PRKG1: variants seen among roughly 807,000 people sequenced by gnomAD.
PRKG1 encodes the protein cGMP-dependent protein kinase 1.
Under a neutral mutation model 88.1 loss-of-function variants are expected in PRKG1, and 35 were observed. That is an observed-to-expected ratio of 0.40 (90% CI 0.30 to 0.53). The LOEUF (loss-of-function observed/expected upper bound fraction) is 0.53, where lower values mean the gene tolerates loss of function less well. Among genes scored for constraint, PRKG1 ranks in the 20% least tolerant of loss-of-function variants. The pLI, the probability that PRKG1 is intolerant of heterozygous loss-of-function variation, is 0.59. For synonymous variants in PRKG1, 303 were observed against 292.5 expected, an observed-to-expected ratio of 1.04 and a Z score of -0.37; for missense variants, 540 against 839.8, an observed-to-expected ratio of 0.64 and a Z score of 4.41.
rs762437426 is a variant in PRKG1, at chr10:51,807,805, C to CG, written c.698+3121dup. ...ATTTTTAGGCTTTATGGATGGCTTT[C>CG]GGGGGGAAAAAGGAGTCTGTCTCTA... is the stretch of plus-strand genomic sequence containing the variant. On this transcript the variant is annotated intron_variant, in intron 4 of 17. Transcript: ENST00000373980. 2.1e-4 allele frequency among the ~76,000 whole-genome samples: 32 copies of CG among 151,934 alleles called. No individual in the cohort carries two copies. The South Asian group carries it at 2.7e-3, about 13-fold the overall frequency.
chr10:51,009,020 C>G (rs10995345), intron 1 of PRKG1, among the ~76,000 whole-genome samples: 27,492 of 152,002 alleles, frequency 0.18, 3,083 homozygotes, highest in South Asian at 0.31. Context: ...GTTTGTGGTT[C>G]TCTTGTTTTC....
At chr10:51,570,407 A>G (rs1479545491) in intron 3 of PRKG1, among the ~76,000 whole-genome samples, 1 of 151,934 alleles carries the variant, frequency 6.6e-6, no homozygotes, top group Admixed American at 6.6e-5. Flanking sequence ...GACGAAGTAT[A>G]TTTACTGTTC....
chr10:50,994,827 AG>A (rs1842820631), intron 1 of PRKG1, among the ~76,000 whole-genome samples: 1 of 151,452 alleles, frequency 6.6e-6, no homozygotes, highest in Non-Finnish European at 1.5e-5. Flanking sequence ...AAAAAAAAAA[AG>A]AATGATTGTG....
At chr10:51,297,620 CAT>C (rs540978259) in intron 2 of PRKG1, among the ~76,000 whole-genome samples, 28 of 152,180 alleles carry the variant, frequency 1.8e-4, no homozygotes, top group Admixed American at 3.3e-4. Flanking sequence ...GTAGGTGACT[CAT>C]GTGCATTTCT....
intron 10 of PRKG1, among the ~76,000 whole-genome samples, chr10:52,266,776 CA>C (rs1251383809): frequency 6.8e-6 from 1 of 147,692 alleles, no homozygotes; most frequent in South Asian, 2.2e-4. Flanking sequence ...AGAGAACAAG[CA>C]AAAAAACAAA....
chr10:51,771,637 C>T (rs1178851106), intron 3 of PRKG1, among the ~76,000 whole-genome samples: 1 of 152,020 alleles, frequency 6.6e-6, no homozygotes, highest in Non-Finnish European at 1.5e-5. Context: ...TATATAACAT[C>T]ATTAAATAAA....
intron 5 of PRKG1, among the ~76,000 whole-genome samples, chr10:51,927,583 C>A (rs1444123041): frequency 6.6e-6 from 1 of 152,080 alleles, no homozygotes; most frequent in African/African-American, 2.4e-5. Context: ...CATGCACATA[C>A]ACACACACTC....
Position 52,261,642 on chromosome 10 carries a change from C to A in PRKG1, c.1174-9708C>A, listed in dbSNP as rs79800469. On this transcript the variant is annotated intron_variant, in intron 10 of 17. Coordinates refer to ENST00000373980, the MANE Select transcript of PRKG1 (RefSeq NM_006258.4). ...TGACGAGTTCCTTTTATTCTTCTCT[C>A]TTGTGTATCCTATGAAACAAGGCAA... Among the ~76,000 whole-genome samples the A allele has an allele frequency of 3.8e-3, 576 of 152,166 alleles. 2 individuals carry two copies. Among genetic ancestry groups the A allele is most frequent in the Non-Finnish European group, 6.6e-3 (452 of 67,994 alleles).
intron 2 of PRKG1, among the ~76,000 whole-genome samples, chr10:51,302,034 G>A (rs1331362062): frequency 6.6e-6 from 1 of 152,162 alleles, no homozygotes; most frequent in Non-Finnish European, 1.5e-5. Context: ...ACTTCACTCA[G>A]AGTGCTGATC....
chr10:52,288,219 G>A (rs954437341), intron 14 of PRKG1, among the ~76,000 whole-genome samples: 1 of 152,092 alleles, frequency 6.6e-6, no homozygotes, highest in Admixed American at 6.6e-5. Flanking sequence ...AGTATGGGAA[G>A]AACCTTCCAG....
At chr10:51,549,913 T>C (rs538184448) in intron 3 of PRKG1, among the ~76,000 whole-genome samples, 2 of 152,242 alleles carry the variant, frequency 1.3e-5, no homozygotes, top group African/African-American at 4.8e-5. Context: ...GGAAGTGTCC[T>C]TGCAAGGGAG....
chr10:52,095,716 G>T (rs551039579), intron 7 of PRKG1, among the ~76,000 whole-genome samples: 13 of 152,300 alleles, frequency 8.5e-5, no homozygotes, highest in Admixed American at 2.0e-4. Context: ...GTGTAGCCTA[G>T]AAACAAAGAC....
At chr10:52,292,845 T>C (rs957375516) in intron 17 of PRKG1, among the ~76,000 whole-genome samples, 36 of 151,984 alleles carry the variant, frequency 2.4e-4, no homozygotes, top group African/African-American at 8.0e-4. Flanking sequence ...CTTTGAAAAC[T>C]GGCACAAGAC....
chr10:51,936,989 T>G (rs1842812353), intron 5 of PRKG1, among the ~76,000 whole-genome samples: 1 of 152,024 alleles, frequency 6.6e-6, no homozygotes. Flanking sequence ...TATGAGAAGA[T>G]TTTCATAATG....
chr10:52,043,879 T>A, intron 5 of PRKG1, among the ~76,000 whole-genome samples: 1 of 143,372 alleles, frequency 7.0e-6, no homozygotes, highest in East Asian at 2.0e-4. Context: ...GAAAATCCAT[T>A]AAGTAAACAG....
chr10:52,013,794 C>A (rs1442981370), intron 5 of PRKG1, among the ~76,000 whole-genome samples: 1 of 152,184 alleles, frequency 6.6e-6, no homozygotes, highest in African/African-American at 2.4e-5. Flanking sequence ...ATAGCTATGG[C>A]AGCAGTATGA....
intron 3 of PRKG1, among the ~76,000 whole-genome samples, chr10:51,802,218 G>T (rs1279343682): frequency 6.6e-6 from 1 of 152,094 alleles, no homozygotes; most frequent in Non-Finnish European, 1.5e-5. Context: ...TTGTCCATCT[G>T]TAAAAAGCTG....
At chr10:51,286,159 T>C (rs1589316364) in intron 2 of PRKG1, among the ~76,000 whole-genome samples, 1 of 152,072 alleles carries the variant, frequency 6.6e-6, no homozygotes, top group East Asian at 1.9e-4. Context: ...TTAGTAGCAA[T>C]GGGGTTTTGC....
intron 2 of PRKG1, among the ~76,000 whole-genome samples, chr10:51,208,182 C>T (rs1295461449): frequency 6.6e-6 from 1 of 152,154 alleles, no homozygotes; most frequent in African/African-American, 2.4e-5. Context: ...ATTAAAACTC[C>T]ACTGGTAGAA....
Sources: gnomAD v4.1 joint callset for allele counts (sites outside exome capture counted in the v4.1 genomes callset) on GRCh38, gnomAD v4.1.1 for gene constraint, MANE v1.5 for transcripts, NCBI Gene and HGNC (gene_info 2026-07-23, HGNC 2026-07-21) for gene names.